The following RAB27A variants were observed in gnomAD, a reference collection of about 807,000 sequenced individuals.
RAB27A encodes ras-related protein Rab-27A.
Under a neutral mutation model 20.8 loss-of-function variants are expected in RAB27A, and 17 were observed. The ratio of observed to expected loss-of-function variants is 0.82; its 90% CI spans 0.56 to 1.23. RAB27A has a LOEUF of 1.23. Ranked by LOEUF, RAB27A falls within the 50% of genes most tolerant of loss-of-function variation. The pLI, the probability that RAB27A is intolerant of heterozygous loss-of-function variation, is 0.00. For missense variants in RAB27A, 277 were observed against 266.7 expected (o/e 1.04, Z -0.27); for synonymous variants, 85 against 92.8 (o/e 0.92, Z 0.48).
At chr15:55,214,384 C>T (rs1484212918) in intron 6 of RAB27A, among the ~76,000 whole-genome samples, 1 of 152,144 alleles carries the variant, frequency 6.6e-6, no homozygotes, top group Non-Finnish European at 1.5e-5. Flanking sequence ...TGCTGTGAGC[C>T]AAGATCACGC....
intron 6 of RAB27A, among the ~76,000 whole-genome samples, chr15:55,217,770 AATGTAGCACCACC>A (rs1320646947): frequency 4.0e-5 from 6 of 150,900 alleles, no homozygotes; most frequent in Non-Finnish European, 7.4e-5. Context: ...TGGTGGTGCT[AATGTAGCACCACC>A]ATGGAGCCGT....
At chr15:55,305,251 G>A (rs972792302) in intron 2 of RAB27A, among the ~76,000 whole-genome samples, 2 of 152,160 alleles carry the variant, frequency 1.3e-5, no homozygotes, top group African/African-American at 2.4e-5. Flanking sequence ...GGGGAGGTTG[G>A]CCGACAACCA....
At chr15:55,306,099 G>A (rs552029448) in intron 2 of RAB27A, among the ~76,000 whole-genome samples, 15 of 152,148 alleles carry the variant, frequency 9.9e-5, no homozygotes, top group Non-Finnish European at 1.6e-4. Context: ...CTGAGGGTAG[G>A]CAGACTATTC....
At chr15:55,242,750 AT>A (rs1353209638) in intron 2 of RAB27A, among the ~76,000 whole-genome samples, 1 of 152,112 alleles carries the variant, frequency 6.6e-6, no homozygotes, top group Non-Finnish European at 1.5e-5. Flanking sequence ...TATCTGGGTG[AT>A]TTTTGGTAAT....
intron 2 of RAB27A, among the ~76,000 whole-genome samples, chr15:55,241,145 A>C (rs1896463222): frequency 6.6e-6 from 1 of 152,196 alleles, no homozygotes; most frequent in Non-Finnish European, 1.5e-5. Context: ...AAGAAAGTAC[A>C]TTGAGCCCCT....
rs1023232991 is a variant in RAB27A at position 55,203,989 on chromosome 15, G to A, written c.*1518C>T. The stretch of plus-strand genomic sequence containing the variant: ...TACAGTTTAGATACATGAATATATT[G>A]TGTAGTCGTAAAGTCTGGGCTTCTA... On this transcript the variant is annotated 3_prime_UTR_variant, in exon 7 of 7. Transcript: ENST00000336787. 2 of 152,038 alleles carry A rather than the reference G, an allele frequency of 1.3e-5. No individual in the cohort carries two copies. The highest frequency in any genetic ancestry group is 6.6e-5 in the Admixed American group (1 of 15,264). 9.4% of individuals were successfully genotyped at this position (152,038 alleles called of 1,614,324 possible).
intron 2 of RAB27A, among the ~76,000 whole-genome samples, chr15:55,250,386 A>G (rs1315373767): frequency 6.6e-6 from 1 of 152,262 alleles, no homozygotes; most frequent in East Asian, 1.9e-4. Flanking sequence ...ATTTATGGCT[A>G]CCTTTAACGT....
intron 2 of RAB27A, among the ~76,000 whole-genome samples, chr15:55,264,467 A>G (rs992757722): frequency 6.6e-6 from 1 of 152,234 alleles, no homozygotes; most frequent in African/African-American, 2.4e-5. Context: ...AGAAATTTTA[A>G]GCTGTTTTAG....
chr15:55,284,640 A>G (rs1345067741), intron 1 of RAB27A, among the ~76,000 whole-genome samples: 2 of 152,190 alleles, frequency 1.3e-5, no homozygotes, highest in Non-Finnish European at 2.9e-5. Context: ...CAGTATGATA[A>G]TGAGGTGATC....
rs1260406240 is a variant in RAB27A at position 55,285,223 on chromosome 15, C to T, written c.-143+4493G>A. On this transcript the variant is annotated intron_variant, in intron 1 of 6. Coordinates refer to ENST00000336787, the MANE Select transcript of RAB27A (RefSeq NM_183235.3). ...ATCCCCACATTAGAATCAAAACTCT[C>T]ACTCCACACACGGGAGGTTGGCTGA... is the stretch of plus-strand genomic sequence containing the variant. Among the ~76,000 whole-genome samples the T allele has an allele frequency of 2.0e-5, 3 of 151,618 alleles. No homozygotes were observed. The East Asian group carries it at 5.8e-4, about 29-fold the overall frequency.
chr15:55,274,794 T>TTATATATATATA (rs371945954), intron 1 of RAB27A, among the ~76,000 whole-genome samples: 4,969 of 51,748 alleles, frequency 0.096, 654 homozygotes, highest in Non-Finnish European at 0.13. Context: ...AATAAATAAA[T>TTATATATATATA]TATATATATA....
chr15:55,312,401 T>C (rs1402427561), intron 2 of RAB27A, among the ~76,000 whole-genome samples: 1 of 152,192 alleles, frequency 6.6e-6, no homozygotes. Flanking sequence ...TCAATTATCT[T>C]GGGCATATGC....
intron 6 of RAB27A, among the ~76,000 whole-genome samples, chr15:55,223,510 A>AAAAAAAAAAAAAG (rs1364437453): frequency 2.0e-5 from 3 of 149,014 alleles, no homozygotes; most frequent in African/African-American, 7.3e-5. Context: ...CTCTGTCTCA[A>AAAAAAAAAAAAAG]AAAAAAAAAA....
chr15:55,266,710 T>A (rs8182068), intron 2 of RAB27A, among the ~76,000 whole-genome samples: 93,920 of 152,034 alleles, frequency 0.62, 30,645 homozygotes, highest in African/African-American at 0.82. Context: ...AGATGAAAAA[T>A]ACCAATGCAC....
intron 5 of RAB27A, among the ~76,000 whole-genome samples, chr15:55,226,656 G>T (rs1439626174): frequency 3.9e-5 from 6 of 151,926 alleles, no homozygotes; most frequent in African/African-American, 1.5e-4. Flanking sequence ...GATCACCTGA[G>T]GTCAGGAGTT....
intron 6 of RAB27A, among the ~76,000 whole-genome samples, chr15:55,223,499 ACT>A (rs754692665): frequency 2.7e-5 from 4 of 145,490 alleles, no homozygotes; most frequent in East Asian, 2.0e-4. Flanking sequence ...ACAGTGTGAG[ACT>A]CTGTCTCAAA....
chr15:55,318,601 T>C (rs533389738), intron 1 of RAB27A, among the ~76,000 whole-genome samples: 32 of 150,024 alleles, frequency 2.1e-4, no homozygotes, highest in African/African-American at 7.6e-4. Context: ...ACTTGGGAGC[T>C]GAGGCAGGAA....
chr15:55,314,908 A>T (rs1158942989), intron 1 of RAB27A, among the ~76,000 whole-genome samples: 1 of 152,194 alleles, frequency 6.6e-6, no homozygotes, highest in Non-Finnish European at 1.5e-5. Context: ...ATTAGAAAAA[A>T]ATACTTTAAA....
chr15:55,254,676 G>T (rs1385088297), intron 2 of RAB27A, among the ~76,000 whole-genome samples: 1 of 152,100 alleles, frequency 6.6e-6, no homozygotes, highest in Non-Finnish European at 1.5e-5. Flanking sequence ...TTCTCTGTAG[G>T]AGACAGAAAC....
Sources: gnomAD v4.1 joint callset for allele counts (sites outside exome capture counted in the v4.1 genomes callset) on GRCh38, gnomAD v4.1.1 for gene constraint, MANE v1.5 for transcripts, NCBI Gene and HGNC (gene_info 2026-07-23, HGNC 2026-07-21) for gene names.